The following ZNF410 variants were observed in gnomAD, a reference collection of about 807,000 sequenced individuals.
ZNF410 encodes the protein zinc finger protein 410.
A neutral mutation model predicts 54.8 loss-of-function variants in ZNF410; 18 were observed. The ratio of observed to expected loss-of-function variants is 0.33; its 90% CI spans 0.23 to 0.49. ZNF410 has a LOEUF of 0.49. Ranked by LOEUF, ZNF410 falls within the 20% of genes least tolerant of loss-of-function variation. The pLI, the probability that ZNF410 is intolerant of heterozygous loss-of-function variation, is 0.99. For missense variants in ZNF410, 405 were observed against 569.6 expected (o/e 0.71, Z 2.94); for synonymous variants, 191 against 207.3 (o/e 0.92, Z 0.68).
chr14:73,928,550 A>G (rs2055867478), intron 11 of ZNF410, among the ~76,000 whole-genome samples: 1 of 152,194 alleles, frequency 6.6e-6, no homozygotes, highest in Non-Finnish European at 1.5e-5. Flanking sequence ...TTTGTTCCCT[A>G]GAACCTAGGC....
intron 11 of ZNF410, among the ~76,000 whole-genome samples, chr14:73,929,813 T>TA (rs376052758): frequency 0.075 from 10,857 of 144,984 alleles, 529 homozygotes; most frequent in African/African-American, 0.15. Flanking sequence ...CCAAACTCTT[T>TA]AAAAAAAAAA....
intron 5 of ZNF410, among the ~76,000 whole-genome samples, chr14:73,899,102 G>C (rs1321942834): frequency 6.6e-6 from 1 of 151,560 alleles, no homozygotes; most frequent in Non-Finnish European, 1.5e-5. Flanking sequence ...CACAAACTAA[G>C]CTTAAGCACT....
intron 10 of ZNF410, 164 bp downstream of exon 10, chr14:73,922,370 T>A: frequency 6.0e-6 from 4 of 672,112 alleles, no homozygotes; most frequent in South Asian, 7.0e-5. Context: ...TCAATCTGTT[T>A]AAAAAAAAAT....
intron 9 of ZNF410, chr14:73,921,464 A>G (rs758244): frequency 0.5 from 85,334 of 169,016 alleles, 21,753 homozygotes; most frequent in South Asian, 0.62. Flanking sequence ...AAAGATTTCC[A>G]CATGGGAAGA....
intron 8 of ZNF410, among the ~76,000 whole-genome samples, chr14:73,911,889 CAG>C (rs1460926322): frequency 1.3e-5 from 2 of 152,062 alleles, no homozygotes; most frequent in East Asian, 1.9e-4. Flanking sequence ...TGTTGCAAAA[CAG>C]AGTCAGTTGA....
intron 5 of ZNF410, 37 bp downstream of exon 5, chr14:73,898,299 T>C: frequency 6.2e-7 from 1 of 1,609,394 alleles, no homozygotes; most frequent in Non-Finnish European, 8.5e-7. Flanking sequence ...CACTATTCTG[T>C]GCAAAGAGAT....
intron 10 of ZNF410, among the ~76,000 whole-genome samples, chr14:73,923,160 T>C (rs1475449565): frequency 6.6e-6 from 1 of 152,240 alleles, no homozygotes; most frequent in Non-Finnish European, 1.5e-5. Context: ...TTAAAAGTGC[T>C]AACACCATAT....
intron 4 of ZNF410, among the ~76,000 whole-genome samples, chr14:73,897,386 T>C (rs2055333610): frequency 6.6e-6 from 1 of 152,090 alleles, no homozygotes; most frequent in Non-Finnish European, 1.5e-5. Context: ...GGTGAGAGAC[T>C]TGAGTTAGGA....
At chr14:73,927,224 C>A in intron 11 of ZNF410, 1 of 229,870 alleles carries the variant, frequency 4.4e-6, no homozygotes, top group South Asian at 3.8e-5. Context: ...TAGCTGGGAC[C>A]ACAGGCAGGT....
chr14:73,930,764 A>G (rs1230823154), intron 11 of ZNF410, among the ~76,000 whole-genome samples: 2 of 151,976 alleles, frequency 1.3e-5, no homozygotes, highest in East Asian at 3.9e-4. Flanking sequence ...CACCATGCTT[A>G]ATTTTTAAAA....
intron 5 of ZNF410, among the ~76,000 whole-genome samples, chr14:73,900,392 T>C (rs77723724): frequency 1.3e-5 from 2 of 151,398 alleles, no homozygotes; most frequent in Admixed American, 1.3e-4. Flanking sequence ...TTTTTTTTTT[T>C]GAGACCGAGT....
chr14:73,909,292 TA>T, intron 7 of ZNF410, 48 bp from the exon 8 acceptor site: 1 of 1,476,870 alleles, frequency 6.8e-7, no homozygotes, highest in East Asian at 2.3e-5. Flanking sequence ...GAGTAACAGG[TA>T]ATCAGTTCAT....
At position 73,931,591 on chromosome 14, in the gene ZNF410, G is replaced by T; in HGVS notation, c.*50G>T. ...GCAACTCTATCTGATCTCAAAATGC[G>T]TATACTGGGAACAGGATGCCTTAGC... On this transcript the variant is annotated 3_prime_UTR_variant, in exon 12 of 12. Transcript: ENST00000555044. 1 of 1,564,692 alleles carries T rather than the reference G, an allele frequency of 6.4e-7. No homozygotes were observed. Among genetic ancestry groups the T allele is most frequent in the Non-Finnish European group, 8.8e-7 (1 of 1,138,068 alleles).
intron 5 of ZNF410, among the ~76,000 whole-genome samples, chr14:73,901,856 T>C (rs1298544989): frequency 6.7e-6 from 1 of 150,034 alleles, no homozygotes; most frequent in African/African-American, 2.5e-5. Flanking sequence ...ATCTCCTGAG[T>C]TGGGGAGGTC....
rs1015189646 is a variant in ZNF410 at position 73,896,385 on chromosome 14, T to G, written c.239T>G (p.Val80Gly). ...TCAGCTGTTTTGAGAAGCCTTCGGGTGAATGTGGGTCCAGACGGAGAGGAG... is the reference window on the plus strand; with the variant it reads ...TCAGCTGTTTTGAGAAGCCTTCGGGGGAATGTGGGTCCAGACGGAGAGGAG... ...PSSAVLRSLR[V>G]NVGPDGEETR... The change falls in exon 4 of 12, where the codon GTG (valine) becomes GGG (glycine). Residue 80 changes from valine to glycine, a missense_variant. Transcript: ENST00000555044. 1 of 1,613,902 alleles carries G rather than the reference T, an allele frequency of 6.2e-7. No individual in the cohort carries two copies. Among genetic ancestry groups the G allele is most frequent in the Non-Finnish European group, 8.5e-7 (1 of 1,180,024 alleles).
chr14:73,916,123 A>G (rs934382484), intron 8 of ZNF410: 4 of 151,750 alleles, frequency 2.6e-5, no homozygotes, highest in Non-Finnish European at 5.9e-5. Flanking sequence ...GAAGGAAGGA[A>G]GGATGAGAGG....
chr14:73,896,227 C>T, intron 3 of ZNF410, 89 bp from the exon 4 acceptor site: 1 of 912,544 alleles, frequency 1.1e-6, no homozygotes, highest in Non-Finnish European at 1.7e-6. Context: ...AGGATGTTAG[C>T]TTCCAAGAGA....
chr14:73,894,042 T>G, intron 3 of ZNF410, 110 bp downstream of exon 3: 1 of 1,398,670 alleles, frequency 7.1e-7, no homozygotes. Flanking sequence ...GTGGAAACTG[T>G]AAAAATTAGG....
At chr14:73,930,022 T>A (rs2055888540) in intron 11 of ZNF410, among the ~76,000 whole-genome samples, 1 of 152,158 alleles carries the variant, frequency 6.6e-6, no homozygotes, top group Non-Finnish European at 1.5e-5. Context: ...GGGCTCCATA[T>A]TTACATTGAG....
Sources: gnomAD v4.1 joint callset for allele counts (sites outside exome capture counted in the v4.1 genomes callset) on GRCh38, gnomAD v4.1.1 for gene constraint, MANE v1.5 for transcripts, NCBI Gene and HGNC (gene_info 2026-07-23, HGNC 2026-07-21) for gene names.